FAM185A: variants seen among roughly 807,000 people sequenced by gnomAD.
The protein encoded by FAM185A is protein FAM185A.
Under a neutral mutation model 45.7 loss-of-function variants are expected in FAM185A, and 21 were observed. That is an observed-to-expected ratio of 0.46 (90% CI 0.33 to 0.66). The LOEUF (loss-of-function observed/expected upper bound fraction) is 0.66. Ranked by LOEUF, FAM185A falls within the 30% of genes least tolerant of loss-of-function variation. FAM185A has a pLI of 0.03. For synonymous variants in FAM185A, 117 were observed against 194.0 expected (o/e 0.60, Z 3.30); for missense variants, 305 against 485.4 (o/e 0.63, Z 3.49).
intron 7 of FAM185A, among the ~76,000 whole-genome samples, chr7:102,792,290 G>A (rs1796185198): frequency 6.7e-6 from 1 of 148,512 alleles, no homozygotes; most frequent in Non-Finnish European, 1.5e-5. Context: ...GCTATTCTGA[G>A]GTCAAAAGGA....
intron 4 of FAM185A, among the ~76,000 whole-genome samples, chr7:102,765,116 G>C (rs1295625697): frequency 6.6e-6 from 1 of 152,168 alleles, no homozygotes; most frequent in Non-Finnish European, 1.5e-5. Flanking sequence ...TTTGATCCTA[G>C]TTTCTTGGCT....
chr7:102,819,329 G>A, the FAM185A span, among the ~76,000 whole-genome samples: 2 of 151,976 alleles, frequency 1.3e-5, no homozygotes, highest in Non-Finnish European at 2.9e-5. Flanking sequence ...GCATCCACAC[G>A]GTGCTTCTGG....
chr7:102,829,099 C>T, the FAM185A span, among the ~76,000 whole-genome samples: 3 of 152,180 alleles, frequency 2.0e-5, no homozygotes, highest in Non-Finnish European at 4.4e-5. Flanking sequence ...CAAGTGAACC[C>T]AAGGTTATAA....
At chr7:102,828,220 G>C in the FAM185A span, among the ~76,000 whole-genome samples, 1 of 152,108 alleles carries the variant, frequency 6.6e-6, no homozygotes, top group Admixed American at 6.6e-5. Context: ...CATGAGCATG[G>C]AATGTTCTTC....
At chr7:102,822,159 GT>G in the FAM185A span, 17 of 1,614,022 alleles carry the variant, frequency 1.1e-5, no homozygotes, top group Non-Finnish European at 1.4e-5. Flanking sequence ...AAATGTGCAG[GT>G]AATGGCATTT....
At chr7:102,827,415 A>C in the FAM185A span, among the ~76,000 whole-genome samples, 5 of 152,236 alleles carry the variant, frequency 3.3e-5, no homozygotes, top group African/African-American at 7.2e-5. Flanking sequence ...ATAAAATGGT[A>C]GTTGTCTTAA....
At chr7:102,842,898 G>C in the FAM185A span, among the ~76,000 whole-genome samples, 1 of 152,202 alleles carries the variant, frequency 6.6e-6, no homozygotes, top group Non-Finnish European at 1.5e-5. Flanking sequence ...TCCTGGGTCA[G>C]ACCAAAAGTC....
At chr7:102,814,150 A>T (rs1420761022), downstream of FAM185A, among the ~76,000 whole-genome samples, 1 of 152,220 alleles carries the variant, frequency 6.6e-6, no homozygotes, top group African/African-American at 2.4e-5. Context: ...AAGTAGGTCT[A>T]ACTTGAAAAC....
the FAM185A span, among the ~76,000 whole-genome samples, chr7:102,817,310 G>A: frequency 6.6e-6 from 1 of 152,062 alleles, no homozygotes; most frequent in Admixed American, 6.6e-5. Context: ...TGATTGGTGC[G>A]AGATGATACT....
intron 7 of FAM185A, among the ~76,000 whole-genome samples, chr7:102,788,712 TGTCATGTGAACA>T (rs1447312452): frequency 1.3e-5 from 2 of 152,214 alleles, no homozygotes; most frequent in Non-Finnish European, 2.9e-5. Flanking sequence ...GCAATTTTGT[TGTCATGTGAACA>T]TTACAGAGTG....
At chr7:102,797,563 TATGTGTTAAAAATAATAAA>T (rs1466084349) in intron 7 of FAM185A, among the ~76,000 whole-genome samples, 2 of 152,142 alleles carry the variant, frequency 1.3e-5, no homozygotes, top group African/African-American at 4.8e-5. Flanking sequence ...TTGTGAAATG[TATGTGTTAAAAATAATAAA>T]ATTTCAGAGT....
intron 7 of FAM185A, among the ~76,000 whole-genome samples, chr7:102,787,745 G>T (rs925218198): frequency 4.6e-5 from 7 of 152,072 alleles, no homozygotes; most frequent in African/African-American, 1.7e-4. Flanking sequence ...TCTAATTCTC[G>T]AACTTAAAAA....
At chr7:102,761,516 A>G (rs1026664502) in intron 4 of FAM185A, 105 bp downstream of exon 4, 8 of 777,468 alleles carry the variant, frequency 1.0e-5, no homozygotes, top group Non-Finnish European at 1.5e-5. Flanking sequence ...CCTTTTAAAT[A>G]ATGAAATGCA....
intron 7 of FAM185A, among the ~76,000 whole-genome samples, chr7:102,800,369 C>A (rs1357747558): frequency 6.6e-6 from 1 of 152,118 alleles, no homozygotes; most frequent in Non-Finnish European, 1.5e-5. Flanking sequence ...CACTAGCTCA[C>A]CAGCAATGGA....
chr7:102,780,815 A>G (rs1795356114), intron 6 of FAM185A, among the ~76,000 whole-genome samples: 2 of 152,332 alleles, frequency 1.3e-5, no homozygotes, highest in South Asian at 4.1e-4. Context: ...AAGTGGGTGC[A>G]GGACAGTGGG....
the FAM185A span, among the ~76,000 whole-genome samples, chr7:102,824,762 A>G: frequency 2.7e-5 from 4 of 149,342 alleles, no homozygotes; most frequent in South Asian, 6.4e-4. Flanking sequence ...CTGGGATTAC[A>G]GGCGTGAGCC....
chr7:102,805,782 C>T (rs1215765597), intron 7 of FAM185A, among the ~76,000 whole-genome samples: 4 of 151,922 alleles, frequency 2.6e-5, no homozygotes, highest in African/African-American at 4.8e-5. Flanking sequence ...ATTGGTCTGA[C>T]CTAAAAAGTC....
chr7:102,767,180 T>C (rs1322319193), intron 4 of FAM185A, among the ~76,000 whole-genome samples: 1 of 149,994 alleles, frequency 6.7e-6, no homozygotes, highest in Non-Finnish European at 1.5e-5. Flanking sequence ...TTTCAGGGTT[T>C]AGACCTCTGA....
intron 7 of FAM185A, among the ~76,000 whole-genome samples, chr7:102,803,279 TTAACAAAATAC>T (rs1390658810): frequency 6.6e-6 from 1 of 152,120 alleles, no homozygotes; most frequent in African/African-American, 2.4e-5. Flanking sequence ...GCTAAAATTC[TTAACAAAATAC>T]TAGCTAACCG....
Sources: allele counts gnomAD v4.1 joint callset (sites outside exome capture counted in the v4.1 genomes callset), GRCh38; gene constraint gnomAD v4.1.1; transcripts MANE v1.5; gene names NCBI Gene and HGNC (gene_info 2026-07-23, HGNC 2026-07-21).